TRPM1: variants seen among roughly 807,000 people sequenced by gnomAD.
The protein encoded by TRPM1 is TRPM1-203 APA Isoform, Intron 10.
Under a neutral mutation model 149.4 loss-of-function variants are expected in TRPM1, and 113 were observed. The observed-to-expected ratio is 0.76, with a 90% confidence interval of 0.65 to 0.88. The LOEUF (loss-of-function observed/expected upper bound fraction) is 0.88, where lower values mean the gene tolerates loss of function less well. Among genes scored for constraint, TRPM1 ranks in the 40% least tolerant of loss-of-function variants. The pLI, the probability that TRPM1 is intolerant of heterozygous loss-of-function variation, is 0.00. For missense variants in TRPM1, 1,976 were observed against 2,038.7 expected (o/e 0.97, Z 0.59); for synonymous variants, 741 against 759.5 (o/e 0.98, Z 0.40).
At chr15:31,127,949 C>T (rs904487098) in intron 1 of TRPM1, among the ~76,000 whole-genome samples, 2 of 152,170 alleles carry the variant, frequency 1.3e-5, no homozygotes, top group Admixed American at 6.5e-5. Flanking sequence ...CAGGAGAAAG[C>T]GCTGGCATTC....
intron 1 of TRPM1, among the ~76,000 whole-genome samples, chr15:31,156,598 G>A (rs1033317762): frequency 2.6e-5 from 4 of 152,022 alleles, no homozygotes; most frequent in African/African-American, 9.7e-5. Context: ...TGTGACCTGT[G>A]GGCCACCCTC....
intron 20 of TRPM1, 72 bp from the exon 21 acceptor site, chr15:31,035,746 C>G: frequency 6.2e-7 from 1 of 1,606,998 alleles, no homozygotes; most frequent in South Asian, 1.1e-5. Flanking sequence ...ACGCTGTTTT[C>G]TTTCAGGTTG....
intron 1 of TRPM1, among the ~76,000 whole-genome samples, chr15:31,123,118 T>C (rs1224942419): frequency 1.3e-5 from 2 of 152,188 alleles, no homozygotes; most frequent in Admixed American, 6.5e-5. Context: ...CAAATGATGC[T>C]GGGACAACTG....
At chr15:31,026,703 G>A (rs1284450913) in intron 26 of TRPM1, among the ~76,000 whole-genome samples, 1 of 152,208 alleles carries the variant, frequency 6.6e-6, no homozygotes, top group Non-Finnish European at 1.5e-5. Context: ...TGGTCTCTAT[G>A]AGCTGGCTTT....
At chr15:31,051,600 C>T (rs905909466) in intron 11 of TRPM1, among the ~76,000 whole-genome samples, 1 of 152,262 alleles carries the variant, frequency 6.6e-6, no homozygotes, top group Admixed American at 6.5e-5. Context: ...CTGGCCACTA[C>T]TTCTCAGTGC....
At position 31,002,482 on chromosome 15, in the gene TRPM1, T is replaced by C; in HGVS notation, c.4218A>G (p.Thr1406=). ...EETISPSLNK[T]DVIHGQDKSD... is the part of the protein sequence containing the mutation. The stretch of plus-strand genomic sequence containing the variant: ...ATTTGTCCTGTCCATGTATCACATC[T>C]GTTTTATTTAAACTTGGGGAAATAG... The change falls in exon 28 of 28, where the codon ACA becomes ACG. Residue 1406 remains threonine (T), a synonymous_variant. Coordinates refer to ENST00000256552, the MANE Select transcript of TRPM1 (RefSeq NM_001252024.2). 1 of 1,614,242 alleles carries C rather than the reference T, an allele frequency of 6.2e-7. No individual in the cohort carries two copies. Among genetic ancestry groups the C allele is most frequent in the South Asian group, 1.1e-5 (1 of 91,088 alleles).
intron 2 of TRPM1, 52 bp from the exon 3 acceptor site, chr15:31,077,036 T>A (rs2034714852): frequency 8.3e-7 from 1 of 1,208,814 alleles, no homozygotes; most frequent in South Asian, 1.2e-5. Flanking sequence ...CAAGCCATCA[T>A]CAGAGTCCAT....
intron 1 of TRPM1, among the ~76,000 whole-genome samples, chr15:31,109,253 G>C (rs2035649414): frequency 7.7e-6 from 1 of 129,218 alleles, no homozygotes; most frequent in Admixed American, 9.5e-5. Context: ...AGAATCACTT[G>C]AACCTGGGAA....
chr15:31,108,431 T>G (rs190052716), intron 1 of TRPM1, among the ~76,000 whole-genome samples: 1 of 152,326 alleles, frequency 6.6e-6, no homozygotes, highest in Admixed American at 6.5e-5. Context: ...GTAAGGGCCA[T>G]CTGTATTTCT....
At chr15:31,083,931 C>G (rs2034929508) in intron 1 of TRPM1, among the ~76,000 whole-genome samples, 1 of 152,180 alleles carries the variant, frequency 6.6e-6, no homozygotes, top group African/African-American at 2.4e-5. Flanking sequence ...TGACACCATG[C>G]TTGGAAGACC....
intron 1 of TRPM1, among the ~76,000 whole-genome samples, chr15:31,113,817 T>G (rs562146696): frequency 3.3e-5 from 5 of 152,056 alleles, no homozygotes. Flanking sequence ...AACAGCAAGA[T>G]TTATTGTGAA....
chr15:31,009,455 G>A (rs190292566), intron 27 of TRPM1, among the ~76,000 whole-genome samples: 1 of 149,538 alleles, frequency 6.7e-6, no homozygotes, highest in Non-Finnish European at 1.5e-5. Flanking sequence ...ATTTTTCTCT[G>A]GTCAATTTTT....
intron 1 of TRPM1, among the ~76,000 whole-genome samples, chr15:31,092,090 G>T (rs921999125): frequency 7.6e-6 from 1 of 131,146 alleles, no homozygotes; most frequent in Non-Finnish European, 1.6e-5. Flanking sequence ...TTTCTCTCTG[G>T]ACTGAGGAGG....
intron 1 of TRPM1, among the ~76,000 whole-genome samples, chr15:31,083,500 G>A (rs1028230211): frequency 5.9e-5 from 9 of 152,170 alleles, no homozygotes; most frequent in South Asian, 2.1e-4. Context: ...GCCTTTGCCC[G>A]GCTCCTAGGG....
intron 27 of TRPM1, among the ~76,000 whole-genome samples, chr15:31,020,367 C>G (rs899945331): frequency 1.3e-5 from 2 of 152,222 alleles, no homozygotes; most frequent in African/African-American, 4.8e-5. Flanking sequence ...TCTTTGAGGT[C>G]TCTCCACAGA....
At position 31,002,582 on chromosome 15, in the gene TRPM1, T is replaced by C; in HGVS notation, c.4118A>G (p.Glu1373Gly). ...LAVDDLKNAE[E>G]SKLGPDIGIS... ...CCCAATATCTGGACCTAATTTTGACTCTTCAGCGTTCTTTAAGTCATCTAC... is the reference window on the plus strand; with the variant it reads ...CCCAATATCTGGACCTAATTTTGACCCTTCAGCGTTCTTTAAGTCATCTAC... The change falls in exon 28 of 28, where the codon GAG (glutamate) becomes GGG (glycine). Residue 1373 changes from glutamate (E) to glycine (G), a missense_variant. Around this residue, in one of 3 missense-constraint regions of TRPM1, gnomAD observed 572 missense variants for 578.9 expected, o/e 0.99. Coordinates refer to ENST00000256552, the MANE Select transcript of TRPM1 (RefSeq NM_001252024.2). 2 of 1,614,190 alleles carry C rather than the reference T, an allele frequency of 1.2e-6. No homozygotes were observed. The highest frequency in any genetic ancestry group is 1.7e-6 in the Non-Finnish European group (2 of 1,180,024).
intron 16 of TRPM1, among the ~76,000 whole-genome samples, chr15:31,045,965 GT>G (rs1181788102): frequency 2.0e-5 from 3 of 152,036 alleles, no homozygotes; most frequent in Non-Finnish European, 2.9e-5. Context: ...TTCCTCTCTA[GT>G]TTTTTTGTTT....
intron 11 of TRPM1, among the ~76,000 whole-genome samples, chr15:31,052,272 A>G (rs2033966195): frequency 6.6e-6 from 1 of 152,146 alleles, no homozygotes; most frequent in Non-Finnish European, 1.5e-5. Flanking sequence ...TCAACATACA[A>G]ATATGGATGA....
At chr15:31,100,403 C>T (rs1033585244) in intron 1 of TRPM1, among the ~76,000 whole-genome samples, 1 of 151,962 alleles carries the variant, frequency 6.6e-6, no homozygotes, top group African/African-American at 2.4e-5. Context: ...CTCCCTACCT[C>T]CCCCACTACT....
Sources: allele counts gnomAD v4.1 joint callset (sites outside exome capture counted in the v4.1 genomes callset), GRCh38; gene constraint gnomAD v4.1.1; regional missense constraint gnomAD v4.1.1; transcripts MANE v1.5; gene names NCBI Gene and HGNC (gene_info 2026-07-23, HGNC 2026-07-21).